Variants in ABLIM1 observed in about 807,000 individuals in gnomAD.
The protein encoded by ABLIM1 is actin binding LIM protein 1.
A neutral mutation model predicts 107.0 loss-of-function variants in ABLIM1; 40 were observed. The observed-to-expected ratio is 0.37, with a 90% CI of 0.29 to 0.49. ABLIM1 has a LOEUF of 0.49. Among genes scored for constraint, ABLIM1 ranks in the 20% least tolerant of loss-of-function variants. ABLIM1 has a pLI of 0.97. For missense variants in ABLIM1, 857 were observed against 1,008.5 expected (o/e 0.85, Z 2.04); for synonymous variants, 357 against 357.3 (o/e 1.00, Z 0.01).
At chr10:114,632,115 A>C in intron 1 of ABLIM1, 2 of 985,066 alleles carry the variant, frequency 2.0e-6, no homozygotes, top group Non-Finnish European at 1.2e-6. Flanking sequence ...CCGCCCCGCT[A>C]TCGCCCCCGC....
chr10:114,647,470 TG>T (rs1370259724), intron 1 of ABLIM1, among the ~76,000 whole-genome samples: 1 of 152,130 alleles, frequency 6.6e-6, no homozygotes, highest in East Asian at 1.9e-4. Flanking sequence ...GAAACAGAAC[TG>T]GGAATTGTCC....
At chr10:114,471,688 T>C (rs573600845) in intron 10 of ABLIM1, among the ~76,000 whole-genome samples, 76 of 152,062 alleles carry the variant, frequency 5.0e-4, no homozygotes, top group Middle Eastern at 3.4e-3. Context: ...AAAATAAACA[T>C]AAATATAATT....
At chr10:114,618,586 G>A (rs529533603) in intron 1 of ABLIM1, among the ~76,000 whole-genome samples, 91 of 152,278 alleles carry the variant, frequency 6.0e-4, no homozygotes, top group African/African-American at 2.2e-3. Flanking sequence ...ACTGCCCCTG[G>A]GTAAAGATGT....
chr10:114,640,497 A>G (rs2078692750), intron 1 of ABLIM1, among the ~76,000 whole-genome samples: 1 of 152,194 alleles, frequency 6.6e-6, no homozygotes, highest in South Asian at 2.1e-4. Context: ...ACTGCACTCC[A>G]GCCTGGATGA....
intron 1 of ABLIM1, among the ~76,000 whole-genome samples, chr10:114,760,896 A>T (rs2082731245): frequency 1.3e-5 from 2 of 152,232 alleles, no homozygotes; most frequent in South Asian, 4.1e-4. Flanking sequence ...CAGGAAATGT[A>T]GTGTTTTGCT....
intron 1 of ABLIM1, among the ~76,000 whole-genome samples, chr10:114,692,912 T>C (rs1253902943): frequency 6.6e-6 from 1 of 152,132 alleles, no homozygotes; most frequent in Non-Finnish European, 1.5e-5. Flanking sequence ...AAAAAATGCA[T>C]TTAAACCTTG....
intron 1 of ABLIM1, among the ~76,000 whole-genome samples, chr10:114,744,379 C>T (rs576745536): frequency 1.3e-5 from 2 of 152,234 alleles, no homozygotes; most frequent in South Asian, 2.1e-4. Context: ...TCCAATCCAC[C>T]GCAGACTGAT....
chr10:114,671,886 A>C (rs550169890), intron 1 of ABLIM1, among the ~76,000 whole-genome samples: 1 of 152,098 alleles, frequency 6.6e-6, no homozygotes, highest in East Asian at 1.9e-4. Context: ...TTTTAGAGAC[A>C]GGTTCTCTCT....
Position 114,658,068 on chromosome 10 carries a change from A to G in ABLIM1, c.133T>C (p.Ser45Pro). Reference protein sequence around the residue: ...KRLIVEDRRVSGTSFTAHRRA... With the variant: ...KRLIVEDRRVPGTSFTAHRRA... ...CTATGAGCGGTGAAGGAGGTCCCAG[A>G]GACCCTCCGGTCCTCAACAATCAGT... is the stretch of plus-strand genomic sequence containing the variant. Residue 45 changes from serine (S) to proline (P), a missense_variant, in exon 1 of 23, where the codon TCT (serine) becomes CCT (proline). Physicochemically the swap from Ser to Pro is moderately conservative, Grantham distance 74. Transcript: ENST00000533213. 46 of 1,614,226 alleles carry G rather than the reference A, an allele frequency of 2.8e-5. No individual in the cohort carries two copies. Among genetic ancestry groups the G allele is most frequent in the Non-Finnish European group, 3.9e-5 (46 of 1,180,042 alleles).
At chr10:114,773,711 G>A in the ABLIM1 span, among the ~76,000 whole-genome samples, 1 of 152,126 alleles carries the variant, frequency 6.6e-6, no homozygotes, top group Non-Finnish European at 1.5e-5. Context: ...TACAGAGAGA[G>A]ACTCCGTCTC....
intron 21 of ABLIM1, 88 bp downstream of exon 21, chr10:114,439,088 A>G (rs1056305812): frequency 3.4e-5 from 52 of 1,509,492 alleles, no homozygotes; most frequent in Non-Finnish European, 4.3e-5. Flanking sequence ...AGCCTACAAC[A>G]CTTTGAGAAT....
In ABLIM1 at chr10:114,502,909, T is replaced by C. The variant is rs114405548; in HGVS notation, c.895-11031A>G. 3.7e-3 allele frequency among the ~76,000 whole-genome samples: 564 copies of C among 152,306 alleles called. 7 individuals carry two copies. The highest frequency in any genetic ancestry group is 0.013 in the African/African-American group (539 of 41,570). On this transcript the variant is annotated intron_variant, in intron 6 of 22. Coordinates refer to ENST00000533213, the MANE Select transcript of ABLIM1 (RefSeq NM_002313.7). ...CATTATCTGCACTAAGAAACCCCCT[T>C]GTGTCCTCTTCCAATGATGACTATG... is the stretch of plus-strand genomic sequence containing the variant.
At chr10:114,778,024 G>A in the ABLIM1 span, 1 of 152,234 alleles carries the variant, frequency 6.6e-6, no homozygotes, top group Non-Finnish European at 1.5e-5. Flanking sequence ...AAGTCAGCCT[G>A]TCATATTTTT....
At chr10:114,684,216 T>A (rs1322916338) in intron 1 of ABLIM1, 7 of 1,464,710 alleles carry the variant, frequency 4.8e-6, no homozygotes, top group Non-Finnish European at 6.5e-6. Context: ...AAGCCCTGCA[T>A]CTTTCCTCAT....
intron 4 of ABLIM1, among the ~76,000 whole-genome samples, chr10:114,563,155 G>C (rs977512954): frequency 6.6e-6 from 1 of 152,254 alleles, no homozygotes; most frequent in East Asian, 1.9e-4. Flanking sequence ...GTAGCACTTA[G>C]AGCGATATTC....
At chr10:114,451,697 G>A in intron 13 of ABLIM1, 26 bp from the exon 14 acceptor site, 1 of 1,591,594 alleles carries the variant, frequency 6.3e-7, no homozygotes, top group Non-Finnish European at 8.6e-7. Flanking sequence ...GCAAAGGTGT[G>A]TGATTATGGG....
chr10:114,453,553 T>C, intron 12 of ABLIM1, 70 bp from the exon 13 acceptor site: 1 of 1,317,868 alleles, frequency 7.6e-7, no homozygotes, highest in African/African-American at 1.5e-5. Context: ...AAAGCAAGTG[T>C]AATAAAAATT....
intron 1 of ABLIM1, among the ~76,000 whole-genome samples, chr10:114,634,091 G>A (rs1156883289): frequency 7.2e-6 from 1 of 139,546 alleles, no homozygotes; most frequent in Non-Finnish European, 1.5e-5. Context: ...TCATATGTAA[G>A]TGTTCCAGAT....
chr10:114,473,181 T>C (rs2066916851), intron 9 of ABLIM1, 49 bp from the exon 10 acceptor site: 2 of 1,529,976 alleles, frequency 1.3e-6, no homozygotes, highest in Non-Finnish European at 1.8e-6. Flanking sequence ...CTGACTGCTT[T>C]AGGAAACTGT....
Sources: allele counts gnomAD v4.1 joint callset (sites outside exome capture counted in the v4.1 genomes callset), GRCh38; gene constraint gnomAD v4.1.1; transcripts MANE v1.5; gene names NCBI Gene and HGNC (gene_info 2026-07-23, HGNC 2026-07-21).